Variants in SP100 observed in about 807,000 individuals in gnomAD.
The protein encoded by SP100 is nuclear autoantigen Sp-100.
A neutral mutation model predicts 130.0 loss-of-function variants in SP100; 84 were observed. That is an observed-to-expected ratio of 0.65 (90% CI 0.54 to 0.77). SP100 has a LOEUF of 0.77. SP100 is among the 30% of genes least tolerant of loss of function. The probability of loss-of-function intolerance (pLI) is 0.00; values close to 1 mark genes in which losing one functional copy is unlikely to be tolerated. For synonymous variants in SP100, 331 were observed against 351.7 expected (o/e 0.94, Z 0.66); for missense variants, 978 against 1,052.2 (o/e 0.93, Z 0.97).
rs1229856306 is a variant in SP100, at chr2:230,427,505, G to GT, written c.107+9848dup. On this transcript the variant is annotated intron_variant, in intron 2 of 28. Coordinates refer to ENST00000340126, the MANE Select transcript of SP100 (RefSeq NM_001080391.2). ...GCAGCAGATTGTTTGATATTGTGGG[G>GT]TTTTTTTTAATCCATTCAGTCACTC... is the stretch of plus-strand genomic sequence containing the variant. Among the ~76,000 whole-genome samples the GT allele has an allele frequency of 3.0e-3, 448 of 151,852 alleles. 3 individuals carry two copies. Among genetic ancestry groups the GT allele is most frequent in the African/African-American group, 0.01 (423 of 41,416 alleles).
At chr2:230,459,574 G>A (rs933128773) in intron 8 of SP100, among the ~76,000 whole-genome samples, 5 of 152,154 alleles carry the variant, frequency 3.3e-5, no homozygotes, top group African/African-American at 1.2e-4. Flanking sequence ...TCTCTCTTTG[G>A]AAGCTGCATC....
chr2:230,435,101 G>A (rs1382746109), intron 2 of SP100, among the ~76,000 whole-genome samples: 2 of 152,158 alleles, frequency 1.3e-5, no homozygotes, highest in African/African-American at 4.8e-5. Flanking sequence ...TTTCTGAAAA[G>A]GCTGTAGTAA....
chr2:230,461,026 A>T (rs75283967), intron 8 of SP100, among the ~76,000 whole-genome samples: 1,848 of 116,350 alleles, frequency 0.016, 36 homozygotes, highest in African/African-American at 0.055. Flanking sequence ...TATTTTTTTT[A>T]AAAAGCAAAA....
At chr2:230,457,293 C>T (rs2064327666) in intron 8 of SP100, among the ~76,000 whole-genome samples, 1 of 152,218 alleles carries the variant, frequency 6.6e-6, no homozygotes, top group African/African-American at 2.4e-5. Flanking sequence ...AGCCAGCTTG[C>T]TGCTAGGATG....
At chr2:230,526,620 CT>C (rs1559535535) in intron 24 of SP100, among the ~76,000 whole-genome samples, 1 of 152,110 alleles carries the variant, frequency 6.6e-6, no homozygotes, top group East Asian at 1.9e-4. Context: ...CTTCTCCGAG[CT>C]AAAAGGTCAT....
chr2:230,466,757 C>T (rs544763584), intron 12 of SP100, among the ~76,000 whole-genome samples: 1 of 151,964 alleles, frequency 6.6e-6, no homozygotes, highest in African/African-American at 2.4e-5. Flanking sequence ...GAGAGAGAAG[C>T]AAATTTACAA....
intron 2 of SP100, among the ~76,000 whole-genome samples, chr2:230,430,669 A>G (rs971527398): frequency 3.9e-5 from 6 of 152,208 alleles, no homozygotes; most frequent in African/African-American, 7.2e-5. Context: ...ACCACAGGCT[A>G]CGTTCTACAT....
chr2:230,434,133 G>T (rs1421049925), intron 2 of SP100, among the ~76,000 whole-genome samples: 2 of 151,732 alleles, frequency 1.3e-5, no homozygotes, highest in African/African-American at 4.8e-5. Context: ...ACAAATGAAA[G>T]ACTTTTTTAG....
intron 11 of SP100, among the ~76,000 whole-genome samples, chr2:230,465,139 G>A (rs2064873838): frequency 6.6e-6 from 1 of 152,182 alleles, no homozygotes; most frequent in Admixed American, 6.5e-5. Flanking sequence ...GGGAGGCTGA[G>A]GCCAAAGAAT....
rs1692075925 is a variant in SP100, at chr2:230,539,393, C to T, written c.2210+11C>T. The T allele has an allele frequency of 1.9e-6, 3 of 1,577,804 alleles. No individual in the cohort carries two copies. The highest frequency in any genetic ancestry group is 1.7e-6 in the Non-Finnish European group (2 of 1,147,088). On this transcript the variant is annotated intron_variant, in intron 25 of 28. Transcript: ENST00000340126. The stretch of plus-strand genomic sequence containing the variant: ...CGTGGAAGCTAACAAGTGAGTAAGA[C>T]ATGTCCCCTTCCCTGAGCCCTTCCT...
chr2:230,495,499 T>C (rs1241480372), intron 18 of SP100, among the ~76,000 whole-genome samples: 2 of 152,156 alleles, frequency 1.3e-5, no homozygotes, highest in African/African-American at 4.8e-5. Context: ...TTTGTATTTT[T>C]AGTAAAGACA....
chr2:230,461,418 A>C lies in SP100; in HGVS notation c.973+4A>C. The C allele has an allele frequency of 6.2e-7, 1 of 1,614,024 alleles. No homozygotes were observed. Among genetic ancestry groups the C allele is most frequent in the Non-Finnish European group, 8.5e-7 (1 of 1,179,888 alleles). On this transcript the variant is annotated splice_donor_region_variant and intron_variant, in intron 9 of 28. Transcript: ENST00000340126. ...AACCAGGCATCTGACATAATAGGTA[A>C]GGCTGACTGGGAGAGTTTGTAACTG...
At chr2:230,463,928 G>T (rs1039040977) in intron 10 of SP100, 139 bp from the exon 11 acceptor site, 1 of 578,698 alleles carries the variant, frequency 1.7e-6, no homozygotes. Context: ...TGAAAGGCAA[G>T]ACAAGCATGG....
chr2:230,449,511 A>G, intron 6 of SP100, 50 bp from the exon 7 acceptor site: 1 of 1,607,534 alleles, frequency 6.2e-7, no homozygotes, highest in Non-Finnish European at 8.5e-7. Context: ...GAGGGGAGTG[A>G]CAGGCAGCAG....
intron 23 of SP100, chr2:230,510,689 G>A (rs537438189): frequency 1.0e-5 from 2 of 194,268 alleles, no homozygotes. Context: ...TAGTGACGGG[G>A]TTTCACCACG....
At chr2:230,481,197 G>T (rs1206588633) in intron 17 of SP100, among the ~76,000 whole-genome samples, 1 of 152,050 alleles carries the variant, frequency 6.6e-6, no homozygotes, top group Non-Finnish European at 1.5e-5. Context: ...ATATGTGAAT[G>T]ACTACCAATT....
intron 2 of SP100, among the ~76,000 whole-genome samples, chr2:230,426,751 G>A (rs2062944710): frequency 6.6e-6 from 1 of 152,116 alleles, no homozygotes; most frequent in Non-Finnish European, 1.5e-5. Context: ...TTCTATATAT[G>A]TTTGTTAGGT....
At chr2:230,535,195 CA>C (rs59108942) in intron 24 of SP100, among the ~76,000 whole-genome samples, 37 of 145,816 alleles carry the variant, frequency 2.5e-4, no homozygotes, top group African/African-American at 4.3e-4. Context: ...GACTCCATCT[CA>C]AAAAAAAAAA....
chr2:230,524,043 C>T (rs1331830383), intron 24 of SP100, among the ~76,000 whole-genome samples: 1 of 151,014 alleles, frequency 6.6e-6, no homozygotes, highest in Admixed American at 6.6e-5. Flanking sequence ...GGTTATAAAA[C>T]TATAAACCAG....
Sources: allele counts gnomAD v4.1 joint callset (sites outside exome capture counted in the v4.1 genomes callset), GRCh38; gene constraint gnomAD v4.1.1; transcripts MANE v1.5; gene names NCBI Gene and HGNC (gene_info 2026-07-23, HGNC 2026-07-21).